Variants in ARHGAP22 observed in about 807,000 individuals in gnomAD.
ARHGAP22 encodes Rho GTPase activating protein 22.
A neutral mutation model predicts 59.1 loss-of-function variants in ARHGAP22; 48 were observed. The observed-to-expected ratio is 0.81, with a 90% CI of 0.64 to 1.03. The LOEUF is 1.03. Ranked by LOEUF, ARHGAP22 falls within the 50% of genes least tolerant of loss-of-function variation. ARHGAP22 has a pLI of 0.00. For missense variants in ARHGAP22, 1,015 were observed against 958.7 expected (o/e 1.06, Z -0.78); for synonymous variants, 445 against 416.4 (o/e 1.07, Z -0.84).
intron 2 of ARHGAP22, among the ~76,000 whole-genome samples, chr10:48,560,748 C>G (rs911161907): frequency 2.6e-5 from 4 of 152,090 alleles, no homozygotes; most frequent in Admixed American, 6.5e-5. Context: ...TTTCTGAATC[C>G]ATGAGATGAT....
upstream of ARHGAP22, among the ~76,000 whole-genome samples, chr10:48,607,548 G>A (rs2060723399): frequency 6.6e-6 from 1 of 152,180 alleles, no homozygotes. Context: ...ACTTCCTCTG[G>A]GGTGGCCTGT....
the ARHGAP22 span, chr10:48,435,042 T>A: frequency 4.8e-6 from 2 of 420,672 alleles, no homozygotes; most frequent in Non-Finnish European, 4.5e-6. Flanking sequence ...ACTTGGGCCA[T>A]CGGGGGGTGG....
chr10:48,588,591 C>A (rs533569426), intron 1 of ARHGAP22, among the ~76,000 whole-genome samples: 1 of 152,306 alleles, frequency 6.6e-6, no homozygotes, highest in East Asian at 1.9e-4. Context: ...CCCAGGCAAG[C>A]TCAGGGCCCA....
Position 48,450,857 on chromosome 10 carries a change from G to T in ARHGAP22, c.1272C>A (p.Thr424=). Residue 424 remains threonine, a synonymous_variant, in exon 9 of 10, where the codon ACC becomes ACA. Coordinates refer to ENST00000249601, the MANE Select transcript of ARHGAP22 (RefSeq NM_021226.4). ...GGAAGGAGGACTTCCAACTGGGCAG[G>T]GTCTGCACCTTCTTCCCAGGGCTGC... The part of the protein sequence containing the change: ...SRCSPGKKVQ[T]LPSWKSSFRQ... 2.5e-6 allele frequency: 4 copies of T among 1,590,792 alleles called. No homozygotes were observed. Among genetic ancestry groups the T allele is most frequent in the South Asian group, 1.2e-5 (1 of 86,590 alleles).
At chr10:48,518,732 G>C (rs1030701781) in intron 3 of ARHGAP22, among the ~76,000 whole-genome samples, 1 of 152,208 alleles carries the variant, frequency 6.6e-6, no homozygotes, top group African/African-American at 2.4e-5. Flanking sequence ...GGCCACACTG[G>C]CTACTGGAGA....
chr10:48,525,679 T>A (rs2054260321), intron 3 of ARHGAP22, among the ~76,000 whole-genome samples: 1 of 152,222 alleles, frequency 6.6e-6, no homozygotes, highest in African/African-American at 2.4e-5. Context: ...GATTTACGGA[T>A]TCATGGCACT....
chr10:48,431,749 G>C, the ARHGAP22 span, among the ~76,000 whole-genome samples: 3 of 152,094 alleles, frequency 2.0e-5, no homozygotes, highest in Non-Finnish European at 4.4e-5. Flanking sequence ...GAAGAAAACT[G>C]GGTTTGTAGG....
At chr10:48,489,038 T>C (rs553627530) in intron 3 of ARHGAP22, among the ~76,000 whole-genome samples, 19 of 152,350 alleles carry the variant, frequency 1.2e-4, no homozygotes, top group African/African-American at 3.1e-4. Flanking sequence ...TTGGGGGTCA[T>C]AGTCCTTCCC....
chr10:48,450,684 T>A lies in ARHGAP22; in HGVS notation c.1445A>T (p.Asp482Val). Residue 482 changes from aspartate to valine, a missense_variant, in exon 9 of 10, where the codon GAC (aspartate) becomes GTC (valine). Coordinates refer to ENST00000249601, the MANE Select transcript of ARHGAP22 (RefSeq NM_021226.4). ...RRASSGDRLKDSGSVQRLSTY... is the reference protein window; with the variant it reads ...RRASSGDRLKVSGSVQRLSTY... ...GGAGAGTCTCTGCACGGAGCCCGAG[T>A]CCTTGAGCCGGTCTCCCGACGAGGC... The A allele has an allele frequency of 6.4e-7, 1 of 1,551,016 alleles. No homozygotes were observed. Among genetic ancestry groups the A allele is most frequent in the South Asian group, 1.2e-5 (1 of 84,080 alleles).
exon 1 of ARHGAP22, chr10:48,652,540 T>A (rs926426439): frequency 1.9e-6 from 1 of 536,778 alleles, no homozygotes; most frequent in African/African-American, 1.9e-5. Flanking sequence ...TCACGGGGTC[T>A]TGGGGTATCA....
chr10:48,616,283 G>T (rs1354079484), intron 1 of ARHGAP22, among the ~76,000 whole-genome samples: 1 of 152,078 alleles, frequency 6.6e-6, no homozygotes, highest in African/African-American at 2.4e-5. Context: ...TTTGCACCGG[G>T]AAACCAAACA....
chr10:48,442,766 G>A (rs1362138617), downstream of ARHGAP22, among the ~76,000 whole-genome samples: 1 of 152,230 alleles, frequency 6.6e-6, no homozygotes, highest in Admixed American at 6.5e-5. Flanking sequence ...AAGGGAAAGA[G>A]GAAATAATTA....
chr10:48,522,299 C>T (rs922370828), intron 3 of ARHGAP22, among the ~76,000 whole-genome samples: 5 of 152,238 alleles, frequency 3.3e-5, no homozygotes, highest in Non-Finnish European at 7.3e-5. Context: ...GCTGCTGTGG[C>T]CAGCCATCTC....
At chr10:48,501,102 C>A (rs1208472935) in intron 3 of ARHGAP22, among the ~76,000 whole-genome samples, 1 of 151,996 alleles carries the variant, frequency 6.6e-6, no homozygotes, top group Non-Finnish European at 1.5e-5. Context: ...AAGGAGAGGG[C>A]CCAGCTACAT....
intron 2 of ARHGAP22, among the ~76,000 whole-genome samples, chr10:48,578,918 C>T (rs181993511): frequency 8.6e-5 from 13 of 150,666 alleles, no homozygotes; most frequent in East Asian, 7.8e-4. Context: ...TTTTTTTTTC[C>T]GTTCTTTTGC....
Position 48,450,969 on chromosome 10 carries a change from C to A in ARHGAP22, c.1160G>T (p.Gly387Val), listed in dbSNP as rs1481723701. The change falls in exon 9 of 10, where the codon GGC (glycine) becomes GTC (valine). Residue 387 changes from glycine (G) to valine (V), a missense_variant. Gly to Val is a moderately radical substitution (Grantham distance 109). Transcript: ENST00000249601. ...RDSQGEPGGP[G>V]LPAHRTSSLD... ...GGAAGAGGTCCTGTGCGCGGGCAGG[C>A]CGGGGCCGCCGGGCTCTCCTTGGCT... 2.6e-6 allele frequency: 4 copies of A among 1,564,612 alleles called. No homozygotes were observed. In the East Asian group the frequency reaches 9.6e-5, roughly 37 times the overall value.
chr10:48,456,981 T>C lies in ARHGAP22; in HGVS notation c.660-1847A>G, dbSNP rs962611708. Among the ~76,000 whole-genome samples, 19 of 151,742 alleles carry C rather than the reference T, an allele frequency of 1.3e-4. 2 individuals carry two copies. On this transcript the variant is annotated intron_variant, in intron 5 of 9. Transcript: ENST00000249601. ...GTCCTGTGGGCGCCTCCCCAGCCTG[T>C]GGGCCTCCCAGCATGCGGCGACATT...
At chr10:48,523,452 C>G (rs2054002166) in intron 3 of ARHGAP22, among the ~76,000 whole-genome samples, 1 of 152,212 alleles carries the variant, frequency 6.6e-6, no homozygotes, top group Non-Finnish European at 1.5e-5. Flanking sequence ...CGGCCGCCAA[C>G]GTCCTAAGCG....
At chr10:48,629,017 T>C (rs890675827) in intron 1 of ARHGAP22, among the ~76,000 whole-genome samples, 1 of 152,308 alleles carries the variant, frequency 6.6e-6, no homozygotes, top group Admixed American at 6.5e-5. Flanking sequence ...CACAGCATTA[T>C]GTGTAACAGT....
Sources: allele counts gnomAD v4.1 joint callset (sites outside exome capture counted in the v4.1 genomes callset), GRCh38; gene constraint gnomAD v4.1.1; transcripts MANE v1.5; gene names NCBI Gene and HGNC (gene_info 2026-07-23, HGNC 2026-07-21).